Variants in CCDC146 observed in about 807,000 individuals in gnomAD.
CCDC146 encodes coiled-coil domain containing 146.
In CCDC146, 92 loss-of-function variants were observed where a neutral mutation model predicts 119.3. The ratio of observed to expected loss-of-function variants is 0.77; its 90% CI spans 0.65 to 0.92. The LOEUF is 0.92. CCDC146 is among the 40% of genes least tolerant of loss of function. The pLI, the probability that CCDC146 is intolerant of heterozygous loss-of-function variation, is 0.00. For synonymous variants in CCDC146, 372 were observed against 371.8 expected (o/e 1.00, Z -0.01); for missense variants, 1,000 against 1,103.0 (o/e 0.91, Z 1.32).
intron 2 of CCDC146, among the ~76,000 whole-genome samples, chr7:77,182,953 T>C (rs1031353014): frequency 1.3e-5 from 2 of 151,978 alleles, no homozygotes; most frequent in African/African-American, 4.8e-5. Context: ...TACAGATAAT[T>C]TGTGAACTGA....
chr7:77,242,498 G>C, intron 4 of CCDC146: 1 of 464,668 alleles, frequency 2.2e-6, no homozygotes, highest in Non-Finnish European at 2.8e-6. Context: ...AACTAAAGCA[G>C]ACATTAAGTG....
In CCDC146 at chr7:77,259,972, GTGTGTGTGTGTGTGTGTGTGTGTGTA is replaced by G. The variant is rs1286528671; in HGVS notation, c.759-35_759-10del. The G allele has an allele frequency of 1.7e-6, 1 of 579,542 alleles. No homozygotes were observed. Among genetic ancestry groups the G allele is most frequent in the East Asian group, 5.0e-5 (1 of 20,052 alleles). 35.9% of individuals were successfully genotyped at this position (579,542 alleles called of 1,614,324 possible). ...TGTGTGTGTGTGTGTGTGTGTGTGT[GTGTGTGTGTGTGTGTGTGTGTGTGTA>G]TCCCCTACAGAGAAATGGAAAAGAA... On this transcript the variant is annotated splice_polypyrimidine_tract_variant and intron_variant, in intron 7 of 18. Coordinates refer to ENST00000285871, the MANE Select transcript of CCDC146 (RefSeq NM_020879.3).
In CCDC146 at chr7:77,262,288, A is replaced by C; in HGVS notation, c.1154A>C (p.His385Pro). 6.2e-7 allele frequency: 1 copy of C among 1,605,846 alleles called. No homozygotes were observed. Among genetic ancestry groups the C allele is most frequent in the Non-Finnish European group, 8.5e-7 (1 of 1,176,362 alleles). Residue 385 changes from histidine to proline, a missense_variant, in exon 9 of 19, where the codon CAT becomes CCT. Physicochemically the swap from His to Pro is moderately conservative, Grantham distance 77. This residue lies in a region of CCDC146 where 985 missense variants were observed against 1,045.3 expected (regional missense o/e 0.94). Coordinates refer to ENST00000285871, the MANE Select transcript of CCDC146 (RefSeq NM_020879.3). ...WDALRQTQAL[H>P]QRLLLEMEAI... ...GCACTTAGGCAAACTCAAGCACTGC[A>C]TCAAAGGCTTCTATTAGAGGTGAGG... is the stretch of plus-strand genomic sequence containing the variant.
intron 14 of CCDC146, among the ~76,000 whole-genome samples, chr7:77,280,990 C>A (rs1215956290): frequency 6.6e-6 from 1 of 151,996 alleles, no homozygotes; most frequent in Non-Finnish European, 1.5e-5. Flanking sequence ...GTAATCCCAG[C>A]TACTTGGGAA....
Position 77,260,252 on chromosome 7 carries a change from G to A in CCDC146, c.986+16G>A. The A allele has an allele frequency of 2.6e-6, 4 of 1,567,954 alleles. No individual in the cohort carries two copies. The highest frequency in any genetic ancestry group is 2.6e-6 in the Non-Finnish European group (3 of 1,147,606). ...TAACTGAAAGGTTAGTTATATTTATGTATGTTATGTTCTGTCATCTAAATT... is the reference window on the plus strand; with the variant it reads ...TAACTGAAAGGTTAGTTATATTTATATATGTTATGTTCTGTCATCTAAATT... On this transcript the variant is annotated intron_variant, in intron 8 of 18. Transcript: ENST00000285871.
At chr7:77,274,354 C>A in intron 10 of CCDC146, 128 bp from the exon 11 acceptor site, 2 of 611,282 alleles carry the variant, frequency 3.3e-6, no homozygotes, top group Non-Finnish European at 5.4e-6. Context: ...CAGGCGTGAG[C>A]CACCACACCT....
At chr7:77,222,047 ATAAAG>A (rs1300619292) in intron 2 of CCDC146, among the ~76,000 whole-genome samples, 1 of 152,244 alleles carries the variant, frequency 6.6e-6, no homozygotes, top group Non-Finnish European at 1.5e-5. Flanking sequence ...ATCAAAAAGA[ATAAAG>A]TACTTGGGAA....
chr7:77,269,835 C>T (rs913188066), intron 9 of CCDC146, among the ~76,000 whole-genome samples: 1 of 152,120 alleles, frequency 6.6e-6, no homozygotes, highest in East Asian at 1.9e-4. Context: ...CTCTTTGACC[C>T]TGTGATTTAT....
chr7:77,248,195 G>A (rs1277118230), intron 4 of CCDC146, among the ~76,000 whole-genome samples: 1 of 152,208 alleles, frequency 6.6e-6, no homozygotes, highest in African/African-American at 2.4e-5. Flanking sequence ...AATACCACAT[G>A]TTCTCATAAG....
intron 8 of CCDC146, among the ~76,000 whole-genome samples, chr7:77,261,579 G>A (rs1225255888): frequency 6.6e-6 from 1 of 152,102 alleles, no homozygotes; most frequent in Non-Finnish European, 1.5e-5. Context: ...CCGGGTTCAC[G>A]CCATTCTCCT....
intron 2 of CCDC146, among the ~76,000 whole-genome samples, chr7:77,170,894 A>G (rs1460400852): frequency 6.6e-6 from 1 of 152,228 alleles, no homozygotes; most frequent in East Asian, 1.9e-4. Context: ...CAGAATAACT[A>G]TTATTAAAAA....
intron 2 of CCDC146, among the ~76,000 whole-genome samples, chr7:77,218,794 A>C (rs1367974527): frequency 6.6e-6 from 1 of 151,592 alleles, no homozygotes; most frequent in African/African-American, 2.4e-5. Context: ...CTGGTCCCTA[A>C]CTCCTGGGCT....
intron 2 of CCDC146, among the ~76,000 whole-genome samples, chr7:77,200,031 G>A (rs747331466): frequency 1.3e-5 from 2 of 152,206 alleles, no homozygotes; most frequent in Admixed American, 6.5e-5. Context: ...AATGTACACA[G>A]CCAACAAGAT....
intron 6 of CCDC146, chr7:77,257,807 A>T (rs1224271237): frequency 3.3e-5 from 5 of 151,888 alleles, no homozygotes; most frequent in African/African-American, 4.8e-5. Context: ...AGTACGTAAG[A>T]CTCTTGAGAC....
intron 9 of CCDC146, among the ~76,000 whole-genome samples, chr7:77,265,837 C>T (rs1793391924): frequency 6.6e-6 from 1 of 152,222 alleles, no homozygotes; most frequent in East Asian, 1.9e-4. Context: ...CCTTTTGCCT[C>T]CCTGAGACAT....
At position 77,277,106 on chromosome 7, in the gene CCDC146, G is replaced by A. The variant is rs146554082; in HGVS notation, c.1441-1646G>A. ...AAATAAAGAATAAGAAGGAAGGAAGGGAGGGAGGGAAGGAAGGAAAAGAAG... is the reference window on the plus strand; with the variant it reads ...AAATAAAGAATAAGAAGGAAGGAAGAGAGGGAGGGAAGGAAGGAAAAGAAG... On this transcript the variant is annotated intron_variant, in intron 11 of 18. Transcript: ENST00000285871. 5.7e-4 allele frequency among the ~76,000 whole-genome samples: 87 copies of A among 151,776 alleles called. 2 individuals carry two copies. In the East Asian group the frequency reaches 0.016, roughly 27 times the overall value.
At chr7:77,231,985 A>G (rs530720207) in intron 2 of CCDC146, among the ~76,000 whole-genome samples, 1 of 152,004 alleles carries the variant, frequency 6.6e-6, no homozygotes, top group Non-Finnish European at 1.5e-5. Flanking sequence ...AGGCTTATTG[A>G]TGCTGTTTTG....
chr7:77,278,093 T>G (rs1793684510), intron 11 of CCDC146, among the ~76,000 whole-genome samples: 1 of 152,198 alleles, frequency 6.6e-6, no homozygotes, highest in South Asian at 2.1e-4. Flanking sequence ...TTAAAATCAT[T>G]GCTTCAGTCT....
intron 9 of CCDC146, among the ~76,000 whole-genome samples, chr7:77,265,980 AAC>A (rs1240488426): frequency 1.3e-5 from 2 of 152,244 alleles, no homozygotes; most frequent in African/African-American, 4.8e-5. Context: ...TGAATTACTT[AAC>A]CAAAGACATC....
Sources: allele counts gnomAD v4.1 joint callset (sites outside exome capture counted in the v4.1 genomes callset), GRCh38; gene constraint gnomAD v4.1.1; regional missense constraint gnomAD v4.1.1; transcripts MANE v1.5; gene names NCBI Gene and HGNC (gene_info 2026-07-23, HGNC 2026-07-21).